NFRKB: variants seen among roughly 807,000 people sequenced by gnomAD.
NFRKB encodes the protein nuclear factor related to kappaB binding protein.
A neutral mutation model predicts 135.7 loss-of-function variants in NFRKB; 62 were observed. The ratio of observed to expected loss-of-function variants is 0.46; its 90% CI spans 0.37 to 0.56. The LOEUF (loss-of-function observed/expected upper bound fraction) is 0.56, where lower values mean the gene tolerates loss of function less well. Ranked by LOEUF, NFRKB falls within the 20% of genes least tolerant of loss-of-function variation. The pLI is 0.00. For synonymous variants in NFRKB, 678 were observed against 635.6 expected (o/e 1.07, Z -1.00); for missense variants, 1,545 against 1,662.0 (o/e 0.93, Z 1.22).
intron 2 of NFRKB, 164 bp downstream of exon 2, chr11:129,894,195 T>G (rs1949676861): frequency 6.6e-6 from 1 of 152,216 alleles, no homozygotes; most frequent in African/African-American, 2.4e-5. Context: ...GAGCTTAAAC[T>G]CAATCACTCT....
intron 13 of NFRKB, among the ~76,000 whole-genome samples, chr11:129,880,353 G>C (rs1948971118): frequency 6.6e-6 from 1 of 152,014 alleles, no homozygotes; most frequent in African/African-American, 2.4e-5. Context: ...ATTCCCCACA[G>C]CCAAGCCATA....
intron 26 of NFRKB, 24 bp downstream of exon 26, chr11:129,864,942 C>G: frequency 2.5e-6 from 4 of 1,612,208 alleles, no homozygotes; most frequent in Non-Finnish European, 3.4e-6. Context: ...CCGGATATGG[C>G]CAAGAATTTG....
intron 4 of NFRKB, chr11:129,888,197 T>G (rs1949370881): frequency 1.8e-5 from 9 of 508,556 alleles, no homozygotes; most frequent in Non-Finnish European, 3.5e-6. Context: ...TCATATTTTC[T>G]GCAGCAAAAA....
intron 13 of NFRKB, among the ~76,000 whole-genome samples, chr11:129,880,869 A>T (rs1393124394): frequency 6.6e-6 from 1 of 152,190 alleles, no homozygotes; most frequent in African/African-American, 2.4e-5. Context: ...TTCTCCACAG[A>T]CCACTCAGCA....
chr11:129,878,222 G>T, intron 15 of NFRKB, 87 bp downstream of exon 15: 3 of 1,403,170 alleles, frequency 2.1e-6, no homozygotes, highest in Admixed American at 3.7e-5. Context: ...TACAGCTCTA[G>T]CATACCAAGA....
Position 129,864,609 on chromosome 11 carries a change from C to G in NFRKB, c.*116G>C. 6.9e-7 allele frequency: 1 copy of G among 1,455,980 alleles called. No homozygotes were observed. The highest frequency in any genetic ancestry group is 9.4e-7 in the Non-Finnish European group (1 of 1,066,996). The allele number at this position is 1,455,980 out of a possible 1,614,324, so 90.2% of individuals were successfully genotyped here. A position where few individuals can be genotyped will look rare whatever the true frequency, so the allele number is the denominator to read the frequency against. On this transcript the variant is annotated 3_prime_UTR_variant, in exon 27 of 27. Coordinates refer to ENST00000682444, the MANE Select transcript of NFRKB (RefSeq NM_001143835.2). ...GAATCCAGGCCACCGTTGCCATCAC[C>G]CCTCGCCTGGCTGCCTTGAACAGGC...
rs1459206419 is a variant in NFRKB at position 129,863,901 on chromosome 11, A to G, written c.*824T>C. ...GAACTGCAACAAAGTTTCTGCTGCA[A>G]AAGCAGCACCTCTGCTGTCCGTCCC... On this transcript the variant is annotated 3_prime_UTR_variant, in exon 27 of 27. Coordinates refer to ENST00000682444, the MANE Select transcript of NFRKB (RefSeq NM_001143835.2). 1 of 152,266 alleles carries G rather than the reference A, an allele frequency of 6.6e-6. No homozygotes were observed. The highest frequency in any genetic ancestry group is 6.5e-5 in the Admixed American group (1 of 15,278). 9.4% of individuals were successfully genotyped at this position (152,266 alleles called of 1,614,324 possible). A position where few individuals can be genotyped will look rare whatever the true frequency, so the allele number is the denominator to read the frequency against.
intron 9 of NFRKB, 26 bp downstream of exon 9, chr11:129,883,096 G>T: frequency 6.2e-7 from 1 of 1,606,802 alleles, no homozygotes; most frequent in Non-Finnish European, 8.5e-7. Flanking sequence ...TCAGATGAAG[G>T]CTCCTAGAGG....
chr11:129,886,217 T>C, intron 5 of NFRKB, 100 bp downstream of exon 5: 2 of 1,396,376 alleles, frequency 1.4e-6, no homozygotes, highest in Non-Finnish European at 2.0e-6. Context: ...TAGCATTTTT[T>C]TCTTCGTGGC....
intron 5 of NFRKB, among the ~76,000 whole-genome samples, 181 bp from the exon 6 acceptor site, chr11:129,885,790 A>G (rs1565418994): frequency 6.6e-6 from 1 of 152,254 alleles, no homozygotes; most frequent in African/African-American, 2.4e-5. Flanking sequence ...ATTACATGAA[A>G]AATCCCAAAT....
intron 13 of NFRKB, among the ~76,000 whole-genome samples, chr11:129,879,232 T>C (rs1456819257): frequency 6.6e-6 from 1 of 152,174 alleles, no homozygotes; most frequent in Non-Finnish European, 1.5e-5. Context: ...TTACCTTTGT[T>C]TTCATGGTCA....
chr11:129,880,847 C>T (rs780606312), intron 13 of NFRKB, among the ~76,000 whole-genome samples: 6 of 152,192 alleles, frequency 3.9e-5, no homozygotes, highest in Admixed American at 1.3e-4. Context: ...TCATAACCTG[C>T]TCTCCATACG....
At position 129,884,808 on chromosome 11, in the gene NFRKB, G is replaced by C; in HGVS notation, c.679C>G (p.Pro227Ala). The change falls in exon 7 of 27, where the codon CCT (proline) becomes GCT (alanine). Residue 227 changes from proline to alanine, a missense_variant. Transcript: ENST00000682444. ...SWLPSSPARS[P>A]SPAVPLRVVP... ...ACCCGCAGGGGCACCGCAGGACTAG[G>C]AGAACGTGCTGGAGAGCTCGGAAGC... 6.2e-7 allele frequency: 1 copy of C among 1,614,224 alleles called. No homozygotes were observed. The highest frequency in any genetic ancestry group is 8.5e-7 in the Non-Finnish European group (1 of 1,180,040).
In NFRKB at chr11:129,888,565, C is replaced by G. The variant is rs761959075; in HGVS notation, c.337+29G>C. The G allele has an allele frequency of 8.7e-6, 14 of 1,606,144 alleles. No homozygotes were observed. The African/African-American group carries it at 1.7e-4, about 20-fold the overall frequency. On this transcript the variant is annotated intron_variant, in intron 4 of 26. Transcript: ENST00000682444. ...TGAACGTGTGCCCATCCACCACCCCCCTCAAAGAAAGAATACTGAGCTACA... is the reference window on the plus strand; with the variant it reads ...TGAACGTGTGCCCATCCACCACCCCGCTCAAAGAAAGAATACTGAGCTACA...
At chr11:129,889,436 C>T (rs185542063) in intron 3 of NFRKB, among the ~76,000 whole-genome samples, 2 of 152,076 alleles carry the variant, frequency 1.3e-5, no homozygotes, top group African/African-American at 2.4e-5. Context: ...ATCTGAATTC[C>T]GCCTCAACTG....
At chr11:129,880,213 A>AATT (rs1287133523) in intron 13 of NFRKB, among the ~76,000 whole-genome samples, 1 of 151,858 alleles carries the variant, frequency 6.6e-6, no homozygotes, top group African/African-American at 2.4e-5. Flanking sequence ...TAAATAAATA[A>AATT]ATTTTAAAAA....
intron 5 of NFRKB, 108 bp downstream of exon 5, chr11:129,886,209 G>C (rs1477632091): frequency 1.6e-6 from 2 of 1,258,286 alleles, no homozygotes; most frequent in Admixed American, 4.3e-5. Context: ...TTAATTGGTA[G>C]CATTTTTTTC....
At position 129,887,862 on chromosome 11, in the gene NFRKB, C is replaced by A. The variant is rs1949353205; in HGVS notation, c.337+732G>T. Among the ~76,000 whole-genome samples, 2 of 152,162 alleles carry A rather than the reference C, an allele frequency of 1.3e-5. 1 individual carries two copies. The highest frequency in any genetic ancestry group is 4.1e-4 in the South Asian group (2 of 4,824). On this transcript the variant is annotated intron_variant, in intron 4 of 26. Transcript: ENST00000682444. ...ACCATCCTGGTTAACACAGTGAAACCCTGTCTCTACTAAAAACACAAAAAA... is the reference window on the plus strand; with the variant it reads ...ACCATCCTGGTTAACACAGTGAAACACTGTCTCTACTAAAAACACAAAAAA...
chr11:129,884,704 G>A lies in NFRKB; in HGVS notation c.742+41C>T, dbSNP rs192035718. The A allele has an allele frequency of 1.4e-4, 224 of 1,608,614 alleles. No individual in the cohort carries two copies. In the East Asian group the frequency reaches 3.7e-3, roughly 27 times the overall value. ...CTAAAGGAGTTTTCAGGTCTCCACC[G>A]CAATGTCCCAGAATGGTGACAGCGG... On this transcript the variant is annotated intron_variant, in intron 7 of 26. Coordinates refer to ENST00000682444, the MANE Select transcript of NFRKB (RefSeq NM_001143835.2).
Sources: allele counts gnomAD v4.1 joint callset (sites outside exome capture counted in the v4.1 genomes callset), GRCh38; gene constraint gnomAD v4.1.1; transcripts MANE v1.5; gene names NCBI Gene and HGNC (gene_info 2026-07-23, HGNC 2026-07-21).